The following ACBD6 variants were observed in gnomAD, a reference collection of about 807,000 sequenced individuals.
ACBD6 encodes acyl-CoA binding domain containing 6.
Under a neutral mutation model 37.2 loss-of-function variants are expected in ACBD6, and 28 were observed. The observed-to-expected ratio is 0.75, with a 90% CI of 0.56 to 1.03. The LOEUF is 1.03. ACBD6 is among the 50% of genes least tolerant of loss of function. The pLI is 0.00. For missense variants in ACBD6, 340 were observed against 337.4 expected (o/e 1.01, Z -0.06); for synonymous variants, 113 against 126.8 (o/e 0.89, Z 0.73).
At chr1:180,382,433 A>T (rs1653692361) in intron 6 of ACBD6, among the ~76,000 whole-genome samples, 1 of 152,230 alleles carries the variant, frequency 6.6e-6, no homozygotes, top group South Asian at 2.1e-4. Flanking sequence ...CAATTACACA[A>T]TAAAAAAACT....
chr1:180,442,827 C>T (rs536843087), intron 3 of ACBD6, among the ~76,000 whole-genome samples: 63 of 148,994 alleles, frequency 4.2e-4, no homozygotes, highest in Non-Finnish European at 7.2e-4. Flanking sequence ...ACTTTTGCAT[C>T]TTCCATCTCT....
At chr1:180,316,942 A>G (rs1286356903) in intron 6 of ACBD6, among the ~76,000 whole-genome samples, 1 of 152,208 alleles carries the variant, frequency 6.6e-6, no homozygotes, top group Admixed American at 6.5e-5. Context: ...TATTTTAGAT[A>G]GAAAGGACTC....
Position 180,471,663 on chromosome 1 carries a change from C to T in ACBD6, c.384+20606G>A, listed in dbSNP as rs984152022. Among the ~76,000 whole-genome samples the T allele has an allele frequency of 1.1e-4, 16 of 152,192 alleles. No individual in the cohort carries two copies. The South Asian group carries it at 1.7e-3, about 16-fold the overall frequency. On this transcript the variant is annotated intron_variant, in intron 3 of 7. Transcript: ENST00000367595. Reference sequence around the variant, plus strand: ...ATCTTGTGAGACTTATTCAGTATCTCGAGAATAGCATGGGAGAGACCAGCC... The same window carrying T: ...ATCTTGTGAGACTTATTCAGTATCTTGAGAATAGCATGGGAGAGACCAGCC...
At chr1:180,305,944 T>A (rs1650340369) in intron 7 of ACBD6, among the ~76,000 whole-genome samples, 1 of 152,090 alleles carries the variant, frequency 6.6e-6, no homozygotes, top group Non-Finnish European at 1.5e-5. Flanking sequence ...TCATGTCCTT[T>A]GTAGTGACAT....
At chr1:180,417,334 A>T (rs891431775) in intron 4 of ACBD6, among the ~76,000 whole-genome samples, 1 of 152,138 alleles carries the variant, frequency 6.6e-6, no homozygotes, top group Non-Finnish European at 1.5e-5. Context: ...GAGAGGCATT[A>T]CACCTCTCTC....
intron 7 of ACBD6, among the ~76,000 whole-genome samples, chr1:180,299,858 G>A (rs1199525747): frequency 6.6e-6 from 1 of 152,090 alleles, no homozygotes; most frequent in Non-Finnish European, 1.5e-5. Context: ...CAAGGACCAT[G>A]TTTAATCATG....
At chr1:180,482,659 T>A (rs577071207) in intron 3 of ACBD6, among the ~76,000 whole-genome samples, 5 of 152,054 alleles carry the variant, frequency 3.3e-5, no homozygotes, top group East Asian at 1.9e-4. Context: ...TAGATGCGAG[T>A]AGAAACGGAG....
intron 6 of ACBD6, among the ~76,000 whole-genome samples, chr1:180,384,123 A>G (rs543087881): frequency 6.7e-6 from 1 of 148,980 alleles, no homozygotes; most frequent in South Asian, 2.1e-4. Context: ...TAAGACTTTG[A>G]AAGCAGAGAT....
At chr1:180,496,561 C>T (rs1651747621) in intron 1 of ACBD6, among the ~76,000 whole-genome samples, 2 of 152,128 alleles carry the variant, frequency 1.3e-5, no homozygotes. Flanking sequence ...CCTGAAATGC[C>T]TTTTCTTCTT....
chr1:180,487,711 T>C (rs1557891395), intron 3 of ACBD6, among the ~76,000 whole-genome samples: 1 of 152,088 alleles, frequency 6.6e-6, no homozygotes, highest in Non-Finnish European at 1.5e-5. Flanking sequence ...AAAAATCATA[T>C]GCTGAGGTTA....
intron 9 of ACBD6, among the ~76,000 whole-genome samples, chr1:180,280,765 C>T (rs1649283612): frequency 2.6e-5 from 4 of 152,154 alleles, no homozygotes; most frequent in Admixed American, 2.6e-4. Context: ...AGGTGCTGTA[C>T]ATAAGGTCTT....
At chr1:180,452,479 AAAT>A (rs545587170) in intron 3 of ACBD6, among the ~76,000 whole-genome samples, 5 of 151,194 alleles carry the variant, frequency 3.3e-5, no homozygotes, top group African/African-American at 4.9e-5. Flanking sequence ...TCAAAAAATT[AAAT>A]AATAATAATA....
At chr1:180,384,711 G>A (rs1007207349) in intron 6 of ACBD6, among the ~76,000 whole-genome samples, 5 of 152,206 alleles carry the variant, frequency 3.3e-5, no homozygotes, top group Non-Finnish European at 7.3e-5. Flanking sequence ...GATGTTCACT[G>A]TAGCACTATT....
chr1:180,284,177 G>A (rs560306449), downstream of ACBD6, among the ~76,000 whole-genome samples: 4 of 152,128 alleles, frequency 2.6e-5, no homozygotes, highest in Non-Finnish European at 5.9e-5. Flanking sequence ...ATAAACACTG[G>A]CTGACAAGCA....
chr1:180,458,810 CT>C (rs1479789866), intron 3 of ACBD6, among the ~76,000 whole-genome samples: 4 of 152,068 alleles, frequency 2.6e-5, no homozygotes, highest in Admixed American at 2.6e-4. Context: ...CTTCAAAGAA[CT>C]AAAAACTTAG....
At chr1:180,434,697 T>G (rs1477371217) in intron 3 of ACBD6, 4 of 451,982 alleles carry the variant, frequency 8.8e-6, no homozygotes, top group African/African-American at 8.0e-5. Flanking sequence ...TTGTCCTGTC[T>G]TTCCAAACCA....
chr1:180,502,308 C>A lies in ACBD6; in HGVS notation c.-42G>T. 6.2e-7 allele frequency: 1 copy of A among 1,605,942 alleles called. No individual in the cohort carries two copies. The highest frequency in any genetic ancestry group is 1.1e-5 in the South Asian group (1 of 90,372). ...CGTCCCTCTGTGTCCGGTCTGTCCT[C>A]CTTGGATTGGGTGTAAGGCCGGCTT... is the stretch of plus-strand genomic sequence containing the variant. On this transcript the variant is annotated 5_prime_UTR_variant, in exon 1 of 8. Transcript: ENST00000367595.
chr1:180,321,691 A>G (rs1651078259), intron 6 of ACBD6, among the ~76,000 whole-genome samples: 1 of 152,136 alleles, frequency 6.6e-6, no homozygotes, highest in Non-Finnish European at 1.5e-5. Flanking sequence ...AAGAAATGCT[A>G]CTGATTTTTG....
chr1:180,497,396 G>C (rs1029142109), intron 1 of ACBD6, among the ~76,000 whole-genome samples: 1 of 152,114 alleles, frequency 6.6e-6, no homozygotes, highest in African/African-American at 2.4e-5. Flanking sequence ...CTTTGCTCTG[G>C]ATAGGATATA....
Sources: allele counts gnomAD v4.1 joint callset (sites outside exome capture counted in the v4.1 genomes callset), GRCh38; gene constraint gnomAD v4.1.1; transcripts MANE v1.5; gene names NCBI Gene and HGNC (gene_info 2026-07-23, HGNC 2026-07-21).